RASGEF1C: variants seen among roughly 807,000 people sequenced by gnomAD.
RASGEF1C encodes RasGEF domain family member 1C.
RASGEF1C carries 27 observed loss-of-function variants against 58.1 expected under a neutral mutation model. That is an observed-to-expected ratio of 0.46 (90% CI 0.34 to 0.64). The LOEUF (loss-of-function observed/expected upper bound fraction) is 0.64, where lower values mean the gene tolerates loss of function less well. RASGEF1C is among the 30% of genes least tolerant of loss of function. RASGEF1C has a pLI of 0.01. For synonymous variants in RASGEF1C, 243 were observed against 246.3 expected, an observed-to-expected ratio of 0.99 and a Z score of 0.13; for missense variants, 502 against 605.1, an observed-to-expected ratio of 0.83 and a Z score of 1.79.
intron 1 of RASGEF1C, among the ~76,000 whole-genome samples, chr5:180,175,851 A>G (rs746052752): frequency 1.3e-5 from 2 of 152,036 alleles, no homozygotes; most frequent in Non-Finnish European, 2.9e-5. Context: ...AGCCGGGCGC[A>G]GTGGCGGGCG....
At chr5:180,128,900 G>T (rs13172734) in intron 4 of RASGEF1C, among the ~76,000 whole-genome samples, 1 of 152,056 alleles carries the variant, frequency 6.6e-6, no homozygotes, top group Non-Finnish European at 1.5e-5. Context: ...CGGGGGCCGG[G>T]GGCAGCTGTC....
intron 1 of RASGEF1C, among the ~76,000 whole-genome samples, chr5:180,194,036 G>C (rs1756218329): frequency 7.7e-6 from 1 of 129,764 alleles, no homozygotes; most frequent in Admixed American, 7.9e-5. Flanking sequence ...TGTATGAAAA[G>C]GTTGAAAAAA....
In RASGEF1C at chr5:180,118,573, C is replaced by A. The variant is rs760310022; in HGVS notation, c.1083+36G>T. 5.1e-6 allele frequency: 8 copies of A among 1,555,704 alleles called. No individual in the cohort carries two copies. In the Admixed American group the frequency reaches 1.1e-4, roughly 22 times the overall value. Reference sequence around the variant, plus strand: ...TCTGAGCCAGCACCCAGGTTCCCTGCTGCAGCCCCCCTGGGCCAACGTGGC... The same window carrying A: ...TCTGAGCCAGCACCCAGGTTCCCTGATGCAGCCCCCCTGGGCCAACGTGGC... On this transcript the variant is annotated intron_variant, in intron 10 of 13. Coordinates refer to ENST00000361132, the MANE Select transcript of RASGEF1C (RefSeq NM_175062.4).
Position 180,143,131 on chromosome 5 carries a change from G to T in RASGEF1C, c.-6-5073C>A, listed in dbSNP as rs925092018. Among the ~76,000 whole-genome samples the T allele has an allele frequency of 6.6e-6, 1 of 152,150 alleles. No individual in the cohort carries two copies. The highest frequency in any genetic ancestry group is 2.4e-5 in the African/African-American group (1 of 41,442). ...TCAAGAGACAGCAGGCGAGGATTGT[G>T]TGGGGTCAGGTCTGCAGAGAGACAG... is the stretch of plus-strand genomic sequence containing the variant. On this transcript the variant is annotated intron_variant, in intron 1 of 13. Transcript: ENST00000361132. The surrounding 1 kb of genome is among the most constrained non-coding windows in gnomAD (Gnocchi z 4.3).
Position 180,121,091 on chromosome 5 carries a change from A to G in RASGEF1C, c.773T>C (p.Leu258Pro). Residue 258 changes from leucine (L) to proline (P), a missense_variant, in exon 7 of 14, where the codon CTG becomes CCG. By Grantham distance (98) the Leu-to-Pro change is moderately conservative (BLOSUM62 -3). Transcript: ENST00000361132. ...GATCTCAGTTGCCACCAGGTAGCACAGCCTGTTGAACCATTTCACATAAGC... is the reference window on the plus strand; with the variant it reads ...GATCTCAGTTGCCACCAGGTAGCACGGCCTGTTGAACCATTTCACATAAGC... Reference protein sequence around the residue: ...LEAYVKWFNRLCYLVATEICM... With the variant: ...LEAYVKWFNRPCYLVATEICM... The G allele has an allele frequency of 1.2e-6, 2 of 1,614,108 alleles. No individual in the cohort carries two copies. Among genetic ancestry groups the G allele is most frequent in the Non-Finnish European group, 8.5e-7 (1 of 1,179,948 alleles).
chr5:180,204,441 C>CT (rs1756455186), intron 1 of RASGEF1C, among the ~76,000 whole-genome samples: 1 of 152,192 alleles, frequency 6.6e-6, no homozygotes, highest in Non-Finnish European at 1.5e-5. Flanking sequence ...CGTTTTGTGT[C>CT]TGTTTACCTC....
chr5:180,109,325 G>T (rs957299662), intron 12 of RASGEF1C, among the ~76,000 whole-genome samples: 1 of 152,144 alleles, frequency 6.6e-6, no homozygotes, highest in Admixed American at 6.5e-5. Context: ...GGGCGTGGTG[G>T]TGGGTGCCTG....
rs141423095 is a variant in RASGEF1C, at chr5:180,168,917, T to G, written c.-6-30859A>C. Among the ~76,000 whole-genome samples, 5,762 of 152,330 alleles carry G rather than the reference T, an allele frequency of 0.038. 146 individuals are homozygous for G. The highest frequency in any genetic ancestry group is 0.055 in the Non-Finnish European group (3,751 of 68,034). On this transcript the variant is annotated intron_variant, in intron 1 of 13. Transcript: ENST00000361132. This position sits in a 1 kb window ranked among gnomAD's most constrained non-coding sequence, Gnocchi z 6.0. ...TGTCCGTCCAGGTTCCATGCTGCCC[T>G]GAGTGCAGGCTTGGCTAGAGCGGGG... is the stretch of plus-strand genomic sequence containing the variant.
chr5:180,118,477 A>T, intron 10 of RASGEF1C, 132 bp downstream of exon 10: 1 of 801,414 alleles, frequency 1.2e-6, no homozygotes, highest in Non-Finnish European at 2.0e-6. Flanking sequence ...CCCACGCTGG[A>T]GGCACGCAAG....
intron 1 of RASGEF1C, among the ~76,000 whole-genome samples, chr5:180,141,503 A>C (rs537329039): frequency 4.6e-5 from 7 of 152,314 alleles, no homozygotes; most frequent in African/African-American, 1.7e-4. Context: ...GGAGGCACCT[A>C]CAGTCATCAC....
At chr5:180,203,859 GGT>G (rs1756442213) in intron 1 of RASGEF1C, among the ~76,000 whole-genome samples, 1 of 152,144 alleles carries the variant, frequency 6.6e-6, no homozygotes. Flanking sequence ...CGGGCATGGT[GGT>G]GCACGCCTGT....
intron 7 of RASGEF1C, among the ~76,000 whole-genome samples, chr5:180,120,597 G>C (rs982236876): frequency 6.6e-6 from 1 of 152,232 alleles, no homozygotes; most frequent in Non-Finnish European, 1.5e-5. Context: ...GGACAAGCAC[G>C]TCTGGCTCCA....
chr5:180,151,782 A>G (rs918527039), intron 1 of RASGEF1C, among the ~76,000 whole-genome samples: 5 of 151,986 alleles, frequency 3.3e-5, no homozygotes, highest in Admixed American at 3.3e-4. Context: ...TGAACAGGCA[A>G]CCTACAGAAT....
intron 12 of RASGEF1C, among the ~76,000 whole-genome samples, chr5:180,103,127 G>A (rs962983147): frequency 4.6e-5 from 7 of 152,162 alleles, no homozygotes; most frequent in African/African-American, 1.7e-4. Flanking sequence ...GCCCAGGCTG[G>A]AGTGCAGTGG....
chr5:180,107,186 C>T (rs1375868874), intron 12 of RASGEF1C, among the ~76,000 whole-genome samples: 1 of 152,002 alleles, frequency 6.6e-6, no homozygotes, highest in African/African-American at 2.4e-5. Context: ...TGTAGATAGC[C>T]TATAGTTGGA....
In RASGEF1C at chr5:180,143,952, G is replaced by C. The variant is rs562980688; in HGVS notation, c.-6-5894C>G. Among the ~76,000 whole-genome samples, 15 of 152,280 alleles carry C rather than the reference G, an allele frequency of 9.9e-5. No homozygotes were observed. The South Asian group carries it at 3.1e-3, about 32-fold the overall frequency. On this transcript the variant is annotated intron_variant, in intron 1 of 13. Transcript: ENST00000361132. The surrounding 1 kb of genome is among the most constrained non-coding windows in gnomAD (Gnocchi z 4.3). ...GGCAGAAGGGACAGAGGTAAAGAAG[G>C]CTCCCGAAGGCCCCTGTGAGGACCA...
chr5:180,174,053 C>A (rs1010848337), intron 1 of RASGEF1C, among the ~76,000 whole-genome samples: 6 of 151,890 alleles, frequency 4.0e-5, no homozygotes, highest in African/African-American at 1.5e-4. Flanking sequence ...CGCTGCTGCT[C>A]TCGGGGGCTC....
At position 180,137,292 on chromosome 5, in the gene RASGEF1C, C is replaced by T. The variant is rs1766498926; in HGVS notation, c.300+298G>A. 6.6e-6 allele frequency among the ~76,000 whole-genome samples: 1 copy of T among 152,152 alleles called. No homozygotes were observed. The highest frequency in any genetic ancestry group is 2.4e-5 in the African/African-American group (1 of 41,438). On this transcript the variant is annotated intron_variant, in intron 3 of 13. Coordinates refer to ENST00000361132, the MANE Select transcript of RASGEF1C (RefSeq NM_175062.4). The surrounding 1 kb of genome is among the most constrained non-coding windows in gnomAD (Gnocchi z 4.1). ...GCGGATGTGCTGGGGGAAGGAAGCC[C>T]ACCAGAGGCAGCAGGCCCTCCCGGC...
chr5:180,119,320 G>A, intron 8 of RASGEF1C, 26 bp downstream of exon 8: 2 of 1,584,356 alleles, frequency 1.3e-6, no homozygotes, highest in African/African-American at 1.3e-5. Flanking sequence ...TGCACTGGGG[G>A]CCACAGGCCA....
Sources: allele counts gnomAD v4.1 joint callset (sites outside exome capture counted in the v4.1 genomes callset), GRCh38; gene constraint gnomAD v4.1.1; non-coding constraint Gnocchi (gnomAD v3.1); transcripts MANE v1.5; gene names NCBI Gene and HGNC (gene_info 2026-07-23, HGNC 2026-07-21).